Variants in ACIN1 observed in about 807,000 individuals in gnomAD.
ACIN1 encodes the protein apoptotic chromatin condensation inducer in the nucleus.
In ACIN1, 16 loss-of-function variants were observed where a neutral mutation model predicts 146.6. That is an observed-to-expected ratio of 0.11 (90% CI 0.07 to 0.17). ACIN1 has a LOEUF of 0.17. Among genes scored for constraint, ACIN1 ranks in the 10% least tolerant of loss-of-function variants. ACIN1 has a pLI of 1.00. For missense variants in ACIN1, 1,357 were observed against 1,609.3 expected (o/e 0.84, Z 2.68); for synonymous variants, 569 against 582.7 (o/e 0.98, Z 0.34).
rs1485579301 is a variant in ACIN1 at position 23,066,259 on chromosome 14, C to T, written c.2266-251G>A. 5 of 426,876 alleles carry T rather than the reference C, an allele frequency of 1.2e-5. No homozygotes were observed. In the Admixed American group the frequency reaches 1.2e-4, roughly 10 times the overall value. 26.4% of individuals were successfully genotyped at this position (426,876 alleles called of 1,614,324 possible). A position where few individuals can be genotyped will look rare whatever the true frequency, so the allele number is the denominator to read the frequency against. On this transcript the variant is annotated intron_variant, in intron 9 of 18. Coordinates refer to ENST00000605057, the MANE Select transcript of ACIN1 (RefSeq NM_001386863.1). ...CATCAGAGCAGGGAAAAGTCATCTA[C>T]TCCGTATCACACCTGTGTATTAGCT...
upstream of ACIN1, chr14:23,095,512 G>T: frequency 1.7e-6 from 1 of 575,090 alleles, no homozygotes; most frequent in Non-Finnish European, 3.0e-6. Context: ...TGCGTGGGCT[G>T]CCGGGCTGGC....
Position 23,065,843 on chromosome 14 carries a change from C to T in ACIN1, c.2308+123G>A, listed in dbSNP as rs2047435746. On this transcript the variant is annotated intron_variant, in intron 10 of 18. Coordinates refer to ENST00000605057, the MANE Select transcript of ACIN1 (RefSeq NM_001386863.1). ...TAGGAAAGGATTCAGATTTGCTAGG[C>T]ACAAGGGGTGGGGCAGGAGGGAGTG... is the stretch of plus-strand genomic sequence containing the variant. 8.3e-6 allele frequency: 7 copies of T among 841,088 alleles called. No individual in the cohort carries two copies. In the South Asian group the frequency reaches 1.1e-4, roughly 13 times the overall value. The allele number at this position is 841,088 out of a possible 1,614,324, so 52.1% of individuals were successfully genotyped here.
chr14:23,087,871 T>G (rs117007830), intron 4 of ACIN1, among the ~76,000 whole-genome samples: 1 of 152,172 alleles, frequency 6.6e-6, no homozygotes, highest in South Asian at 2.1e-4. Flanking sequence ...TTCATTCCTA[T>G]CTCTCTGACT....
At chr14:23,074,211 G>A (rs1443393286) in intron 8 of ACIN1, among the ~76,000 whole-genome samples, 1 of 151,170 alleles carries the variant, frequency 6.6e-6, no homozygotes, top group Non-Finnish European at 1.5e-5. Flanking sequence ...AGAGGCGTGT[G>A]TTTTCTATTT....
intron 18 of ACIN1, among the ~76,000 whole-genome samples, chr14:23,059,880 C>G (rs897747886): frequency 6.6e-6 from 1 of 151,744 alleles, no homozygotes; most frequent in African/African-American, 2.4e-5. Context: ...TGGTCTTGAT[C>G]TCCTGACCTC....
chr14:23,095,103 G>T lies in ACIN1; in HGVS notation c.10C>A (p.Leu4Met). ...TTCCCGTCCAGAGTCACCTCCTCCA[G>T]CTCCGCCATCTTGCGTGAGGTACTC... MAE[L>M]EEVTLDGKPL... The change falls in exon 1 of 19, where the codon CTG (leucine) becomes ATG (methionine). Residue 4 changes from leucine to methionine, a missense_variant. By Grantham distance (15) the Leu-to-Met change is conservative. This residue lies in a region of ACIN1 where 22 missense variants were observed against 19.1 expected (regional missense o/e 1.15). Transcript: ENST00000605057. 1 of 1,614,206 alleles carries T rather than the reference G, an allele frequency of 6.2e-7. No individual in the cohort carries two copies. The highest frequency in any genetic ancestry group is 1.1e-5 in the South Asian group (1 of 91,082).
At chr14:23,069,361 G>A (rs1052514211) in intron 9 of ACIN1, 115 bp downstream of exon 9, 8 of 1,481,356 alleles carry the variant, frequency 5.4e-6, no homozygotes, top group Admixed American at 2.4e-5. Context: ...CCAAGTCCCT[G>A]CCTCATCCCT....
chr14:23,073,748 C>T (rs2047725511), intron 8 of ACIN1, among the ~76,000 whole-genome samples: 1 of 152,296 alleles, frequency 6.6e-6, no homozygotes, highest in African/African-American at 2.4e-5. Context: ...AAATAAAATG[C>T]TCTGTTTATC....
rs774665253 is a variant in ACIN1 at position 23,071,732 on chromosome 14, TAC to T, written c.2124-2117_2124-2116del. 7.5e-4 allele frequency: 453 copies of T among 607,730 alleles called. 1 individual carries two copies. The highest frequency in any genetic ancestry group is 1.1e-3 in the Non-Finnish European group (387 of 363,662). 37.6% of individuals were successfully genotyped at this position (607,730 alleles called of 1,614,324 possible). On this transcript the variant is annotated intron_variant, in intron 8 of 18. Coordinates refer to ENST00000605057, the MANE Select transcript of ACIN1 (RefSeq NM_001386863.1). ...CCTTCTTTTCTCAAGTTACAGCAGC[TAC>T]AGAGGCTTAACCCCCCAGGGCTGGA...
In ACIN1 at chr14:23,059,221, C is replaced by T. The variant is rs771928904; in HGVS notation, c.3779G>A (p.Arg1260His). The change falls in exon 19 of 19, where the codon CGC becomes CAC. Residue 1260 changes from arginine to histidine, a missense_variant. By Grantham distance (29) the Arg-to-His change is conservative. Around this residue, in one of 4 missense-constraint regions of ACIN1, gnomAD observed 509 missense variants for 719.6 expected, o/e 0.71. Transcript: ENST00000605057. ...RDRERGRERDRRDTKRHSRSR... is the reference protein window; with the variant it reads ...RDRERGRERDHRDTKRHSRSR... ...TCTGCTGTGGCGCTTGGTGTCCCTGCGATCCCTTTCCCTGCCTCGTTCTCG... is the reference window on the plus strand; with the variant it reads ...TCTGCTGTGGCGCTTGGTGTCCCTGTGATCCCTTTCCCTGCCTCGTTCTCG... The T allele has an allele frequency of 4.9e-5, 79 of 1,613,862 alleles. No homozygotes were observed. Among genetic ancestry groups the T allele is most frequent in the Non-Finnish European group, 6.4e-5 (75 of 1,180,004 alleles).
intron 8 of ACIN1, among the ~76,000 whole-genome samples, chr14:23,073,549 T>G (rs1204198293): frequency 6.6e-6 from 1 of 152,070 alleles, no homozygotes; most frequent in Non-Finnish European, 1.5e-5. Flanking sequence ...TCCCAGCTAC[T>G]CGGGAGGCTG....
Position 23,061,337 on chromosome 14 carries a change from C to T in ACIN1, c.3385G>A (p.Glu1129Lys). 6.2e-7 allele frequency: 1 copy of T among 1,614,180 alleles called. No homozygotes were observed. ...RSRSRDRRRKERAKSKEKKSE... is the reference protein window; with the variant it reads ...RSRSRDRRRKKRAKSKEKKSE... ...TTCTTTTCTTTAGACTTCGCACGTTCCTTGCGGCGGCGGTCACGGGACCTT... is the reference window on the plus strand; with the variant it reads ...TTCTTTTCTTTAGACTTCGCACGTTTCTTGCGGCGGCGGTCACGGGACCTT... The change falls in exon 17 of 19, where the codon GAA becomes AAA. Residue 1129 changes from glutamate (E) to lysine (K), a missense_variant. This residue lies in a region of ACIN1 where 509 missense variants were observed against 719.6 expected (regional missense o/e 0.71). Transcript: ENST00000605057.
chr14:23,086,811 T>C (rs906657112), intron 4 of ACIN1, among the ~76,000 whole-genome samples: 1 of 152,194 alleles, frequency 6.6e-6, no homozygotes, highest in African/African-American at 2.4e-5. Context: ...ATTTTGCCAA[T>C]AGCATATAAA....
chr14:23,080,641 C>A lies in ACIN1; in HGVS notation c.694G>T (p.Asp232Tyr), dbSNP rs138922311. The stretch of plus-strand genomic sequence containing the variant: ...GCCTCCCTAGATTTTTGTCCCTCAT[C>A]ATCACCTTCCTCTTCTTCATCATCT... ...EEDDEEEEGDDEGQKSREAPI... is the reference protein window; with the variant it reads ...EEDDEEEEGDYEGQKSREAPI... Residue 232 changes from aspartate to tyrosine, a missense_variant, in exon 6 of 19, where the codon GAT becomes TAT. Asp to Tyr is a radical substitution (Grantham distance 160). Coordinates refer to ENST00000605057, the MANE Select transcript of ACIN1 (RefSeq NM_001386863.1). 340 of 1,613,928 alleles carry A rather than the reference C, an allele frequency of 2.1e-4. 1 individual carries two copies. The African/African-American group carries it at 4.1e-3, about 20-fold the overall frequency.
At chr14:23,095,213 T>C, upstream of ACIN1, 3 of 1,614,072 alleles carry the variant, frequency 1.9e-6, no homozygotes, top group Non-Finnish European at 2.5e-6. Context: ...CCCACTGCCA[T>C]ACTCTACCCC....
intron 5 of ACIN1, 117 bp from the exon 6 acceptor site, chr14:23,080,926 C>G (rs1004423115): frequency 1.4e-6 from 2 of 1,480,040 alleles, no homozygotes; most frequent in African/African-American, 2.8e-5. Context: ...ATACTTTCAG[C>G]AACAGAAACA....
Position 23,090,500 on chromosome 14 carries a change from A to T in ACIN1, c.316+22T>A, listed in dbSNP as rs994861306. 1.9e-6 allele frequency: 3 copies of T among 1,607,202 alleles called. No homozygotes were observed. The African/African-American group carries it at 4.0e-5, about 21-fold the overall frequency. On this transcript the variant is annotated intron_variant, in intron 3 of 18. Coordinates refer to ENST00000605057, the MANE Select transcript of ACIN1 (RefSeq NM_001386863.1). The stretch of plus-strand genomic sequence containing the variant: ...GGATAAGAATGACGAACTCCTTGTT[A>T]AAAGTGACAATCTGGGCTTACCTTC...
intron 4 of ACIN1, among the ~76,000 whole-genome samples, chr14:23,088,416 TA>T (rs1041686267): frequency 6.6e-6 from 1 of 152,168 alleles, no homozygotes; most frequent in African/African-American, 2.4e-5. Context: ...AGGGACTGAG[TA>T]AAACAGGACC....
At position 23,060,527 on chromosome 14, in the gene ACIN1, T is replaced by C. The variant is rs2047243444; in HGVS notation, c.3525+557A>G. 2.0e-5 allele frequency among the ~76,000 whole-genome samples: 3 copies of C among 152,010 alleles called. No homozygotes were observed. The South Asian group carries it at 6.2e-4, about 31-fold the overall frequency. ...CAAGTTCTTTTTTTTTTTTTAATTG[T>C]CTGAGACAGAGTTTTGTTCTTGTTG... is the stretch of plus-strand genomic sequence containing the variant. On this transcript the variant is annotated intron_variant, in intron 18 of 18. Coordinates refer to ENST00000605057, the MANE Select transcript of ACIN1 (RefSeq NM_001386863.1).
Sources: allele counts gnomAD v4.1 joint callset (sites outside exome capture counted in the v4.1 genomes callset), GRCh38; gene constraint gnomAD v4.1.1; regional missense constraint gnomAD v4.1.1; transcripts MANE v1.5; gene names NCBI Gene and HGNC (gene_info 2026-07-23, HGNC 2026-07-21).